The following SH2D4B variants were observed in gnomAD, a reference collection of about 807,000 sequenced individuals.
SH2D4B encodes SH2 domain-containing protein 4B.
Under a neutral mutation model 61.5 loss-of-function variants are expected in SH2D4B, and 45 were observed. The observed-to-expected ratio is 0.73, with a 90% CI of 0.58 to 0.94. SH2D4B has a LOEUF of 0.94. Among genes scored for constraint, SH2D4B ranks in the 40% least tolerant of loss-of-function variants. The pLI, the probability that SH2D4B is intolerant of heterozygous loss-of-function variation, is 0.00. For synonymous variants in SH2D4B, 224 were observed against 220.4 expected, an observed-to-expected ratio of 1.02 and a Z score of -0.14; for missense variants, 572 against 574.2, an observed-to-expected ratio of 1.00 and a Z score of 0.04.
At chr10:80,591,581 A>G (rs556270947) in intron 4 of SH2D4B, among the ~76,000 whole-genome samples, 1 of 141,290 alleles carries the variant, frequency 7.1e-6, no homozygotes, top group Non-Finnish European at 1.5e-5. Context: ...ATCTCAGCTC[A>G]CTGCAACCTC....
chr10:80,611,255 T>A (rs1292543927), intron 6 of SH2D4B, among the ~76,000 whole-genome samples: 1 of 150,814 alleles, frequency 6.6e-6, no homozygotes, highest in Non-Finnish European at 1.5e-5. Context: ...AACCACACAT[T>A]GGCTCCTAAA....
chr10:80,540,977 C>T lies in SH2D4B; in HGVS notation c.184+2462C>T, dbSNP rs1426976658. The stretch of plus-strand genomic sequence containing the variant: ...TTGATGTCCAGGCTCTTGAAACTGT[C>T]TTGAGAAAGAACTCGGGAATGAGTC... On this transcript the variant is annotated intron_variant, in intron 1 of 7. Coordinates refer to ENST00000646907, the MANE Select transcript of SH2D4B (RefSeq NM_001388272.1). 5.2e-6 allele frequency: 7 copies of T among 1,348,716 alleles called. No homozygotes were observed. In the African/African-American group the frequency reaches 8.7e-5, roughly 17 times the overall value. The allele number at this position is 1,348,716 out of a possible 1,614,324, so 83.5% of individuals were successfully genotyped here. A position where few individuals can be genotyped will look rare whatever the true frequency, so the allele number is the denominator to read the frequency against.
chr10:80,623,278 G>A (rs762564433), intron 6 of SH2D4B, among the ~76,000 whole-genome samples: 15 of 152,186 alleles, frequency 9.9e-5, no homozygotes, highest in Non-Finnish European at 2.1e-4. Flanking sequence ...CTGGGAAGTC[G>A]AAGATCAAGG....
chr10:80,643,214 T>C (rs976332114), intron 7 of SH2D4B, among the ~76,000 whole-genome samples: 2 of 152,136 alleles, frequency 1.3e-5, no homozygotes, highest in African/African-American at 4.8e-5. Flanking sequence ...TAAATGGTCA[T>C]GCTTTTGGTT....
chr10:80,572,406 G>T (rs1842058741), intron 3 of SH2D4B, among the ~76,000 whole-genome samples: 1 of 152,110 alleles, frequency 6.6e-6, no homozygotes, highest in Non-Finnish European at 1.5e-5. Flanking sequence ...TTTAATGGAG[G>T]TCTAGAGTCA....
chr10:80,567,946 C>T (rs1841991620), intron 1 of SH2D4B, among the ~76,000 whole-genome samples: 1 of 152,168 alleles, frequency 6.6e-6, no homozygotes, highest in Admixed American at 6.5e-5. Flanking sequence ...GCTTCCATGT[C>T]CCAGTAACAA....
At chr10:80,570,055 C>CGAA in intron 1 of SH2D4B, 99 bp from the exon 2 acceptor site, 1 of 1,411,360 alleles carries the variant, frequency 7.1e-7, no homozygotes, top group Admixed American at 1.8e-5. Context: ...GACAATGTTC[C>CGAA]ATAGAGTGAT....
At chr10:80,587,800 G>A (rs1023096963) in intron 3 of SH2D4B, among the ~76,000 whole-genome samples, 3 of 152,126 alleles carry the variant, frequency 2.0e-5, no homozygotes, top group African/African-American at 7.2e-5. Flanking sequence ...ATGTCCATGA[G>A]TACCCAGTGT....
chr10:80,538,087 C>T lies in SH2D4B; in HGVS notation c.-245C>T, dbSNP rs755879374. 7.5e-6 allele frequency: 2 copies of T among 267,914 alleles called. No homozygotes were observed. The highest frequency in any genetic ancestry group is 4.4e-5 in the African/African-American group (2 of 45,440). The allele number at this position is 267,914 out of a possible 1,614,324, so 16.6% of individuals were successfully genotyped here. On this transcript the variant is annotated 5_prime_UTR_variant, in exon 1 of 8. Transcript: ENST00000646907. This position sits in a 1 kb window ranked among gnomAD's most constrained non-coding sequence, Gnocchi z 4.8. ...CTAGATTGCTCCTGGTGGTTGCTCC[C>T]CCTTGCAGAGTCCCACCTGCCCCTT... is the stretch of plus-strand genomic sequence containing the variant.
intron 1 of SH2D4B, among the ~76,000 whole-genome samples, chr10:80,558,635 A>G (rs1841867616): frequency 6.6e-6 from 1 of 152,116 alleles, no homozygotes; most frequent in Non-Finnish European, 1.5e-5. Context: ...GCGTACCACC[A>G]CATACCCAGC....
At chr10:80,546,220 T>G (rs1169846325) in intron 1 of SH2D4B, among the ~76,000 whole-genome samples, 6 of 52,912 alleles carry the variant, frequency 1.1e-4, no homozygotes, top group African/African-American at 5.8e-4. Flanking sequence ...AATTTTTGTG[T>G]TTTTTTTTGT....
At chr10:80,573,146 G>A (rs958345814) in intron 3 of SH2D4B, among the ~76,000 whole-genome samples, 9 of 147,274 alleles carry the variant, frequency 6.1e-5, no homozygotes, top group South Asian at 2.2e-4. Flanking sequence ...CACCGCGCCC[G>A]GCTAATTTTT....
chr10:80,551,514 A>G (rs1312216598), intron 1 of SH2D4B, among the ~76,000 whole-genome samples: 1 of 152,214 alleles, frequency 6.6e-6, no homozygotes. Context: ...CAAAAGACAA[A>G]CAACCAATAG....
intron 3 of SH2D4B, among the ~76,000 whole-genome samples, chr10:80,584,479 G>GA (rs1283692214): frequency 6.6e-6 from 1 of 152,052 alleles, no homozygotes. Context: ...GGAAAAACCA[G>GA]AAAAAATGAC....
At chr10:80,543,788 G>A (rs12769039) in intron 1 of SH2D4B, among the ~76,000 whole-genome samples, 1,555 of 120,378 alleles carry the variant, frequency 0.013, no homozygotes, top group African/African-American at 0.033. Flanking sequence ...TCAGCACCCT[G>A]TGTCTAGCTC....
chr10:80,626,004 A>G (rs1209883080), intron 6 of SH2D4B, among the ~76,000 whole-genome samples: 2 of 152,218 alleles, frequency 1.3e-5, no homozygotes, highest in Non-Finnish European at 2.9e-5. Context: ...CCCTACTGCT[A>G]AGATATTGTC....
intron 1 of SH2D4B, among the ~76,000 whole-genome samples, chr10:80,565,121 C>T (rs1841948057): frequency 6.6e-6 from 1 of 152,186 alleles, no homozygotes; most frequent in Admixed American, 6.5e-5. Context: ...TTGGCCAAGA[C>T]TCCCCTGTTG....
chr10:80,635,525 T>A (rs1842887516), intron 7 of SH2D4B, among the ~76,000 whole-genome samples: 1 of 152,210 alleles, frequency 6.6e-6, no homozygotes, highest in Admixed American at 6.5e-5. Context: ...GGGACAGCCC[T>A]TGACCTTATG....
intron 1 of SH2D4B, among the ~76,000 whole-genome samples, chr10:80,548,767 C>G (rs144039990): frequency 1.5e-3 from 228 of 152,320 alleles, no homozygotes; most frequent in African/African-American, 5.3e-3. Context: ...CCTGAGTGCT[C>G]CATTGCTAGC....
Sources: gnomAD v4.1 joint callset for allele counts (sites outside exome capture counted in the v4.1 genomes callset) on GRCh38, gnomAD v4.1.1 for gene constraint, Gnocchi (gnomAD v3.1) non-coding constraint, MANE v1.5 for transcripts, NCBI Gene and HGNC (gene_info 2026-07-23, HGNC 2026-07-21) for gene names.